The following MEOX2 variants were observed in gnomAD, a reference collection of about 807,000 sequenced individuals.
MEOX2 encodes homeobox protein MOX-2.
In MEOX2, 11 loss-of-function variants were observed where a neutral mutation model predicts 27.0. The observed-to-expected ratio is 0.41, with a 90% CI of 0.26 to 0.68. MEOX2 has a LOEUF of 0.68. MEOX2 is among the 30% of genes least tolerant of loss of function. The pLI, the probability that MEOX2 is intolerant of heterozygous loss-of-function variation, is 0.33. For synonymous variants in MEOX2, 189 were observed against 155.4 expected (o/e 1.22, Z -1.61); for missense variants, 436 against 385.4 (o/e 1.13, Z -1.10).
intron 1 of MEOX2, among the ~76,000 whole-genome samples, chr7:15,663,153 C>G (rs917843298): frequency 1.3e-5 from 2 of 152,138 alleles, no homozygotes; most frequent in African/African-American, 4.8e-5. Flanking sequence ...AGACATGACA[C>G]TCTTTCACAG....
intron 2 of MEOX2, among the ~76,000 whole-genome samples, chr7:15,621,738 GT>G: frequency 6.6e-6 from 1 of 152,298 alleles, no homozygotes; most frequent in Middle Eastern, 3.4e-3. Context: ...TGTCAATCAT[GT>G]ACAATTTCCA....
At chr7:15,655,327 G>A (rs1255236653) in intron 1 of MEOX2, among the ~76,000 whole-genome samples, 1 of 151,352 alleles carries the variant, frequency 6.6e-6, no homozygotes, top group Non-Finnish European at 1.5e-5. Context: ...TTCAAAGAAC[G>A]AGCTTTTTAT....
intron 1 of MEOX2, among the ~76,000 whole-genome samples, chr7:15,682,173 C>T (rs1028341685): frequency 6.6e-6 from 1 of 151,688 alleles, no homozygotes; most frequent in Admixed American, 6.6e-5. Context: ...CAATACTTCA[C>T]TTTAATCTTC....
intron 1 of MEOX2, among the ~76,000 whole-genome samples, chr7:15,661,756 G>C (rs1391674231): frequency 6.6e-6 from 1 of 152,150 alleles, no homozygotes; most frequent in Non-Finnish European, 1.5e-5. Flanking sequence ...CATTCTCTGA[G>C]AGAAGCGAAC....
chr7:15,623,095 A>G (rs1768663835), intron 2 of MEOX2, among the ~76,000 whole-genome samples: 1 of 152,182 alleles, frequency 6.6e-6, no homozygotes, highest in African/African-American at 2.4e-5. Flanking sequence ...AGCAGCCCCA[A>G]TAGACTACAA....
At chr7:15,685,189 C>T (rs1201656631) in intron 1 of MEOX2, among the ~76,000 whole-genome samples, 1 of 152,170 alleles carries the variant, frequency 6.6e-6, no homozygotes, top group Non-Finnish European at 1.5e-5. Flanking sequence ...TGGACATGTA[C>T]TATTAAGGTT....
chr7:15,639,567 T>C (rs1224525597), intron 1 of MEOX2, among the ~76,000 whole-genome samples: 2 of 151,870 alleles, frequency 1.3e-5, no homozygotes, highest in African/African-American at 2.4e-5. Flanking sequence ...AAGTTCTTCC[T>C]AGATTTTCCT....
intron 1 of MEOX2, among the ~76,000 whole-genome samples, chr7:15,675,244 T>C (rs1235888456): frequency 6.6e-6 from 1 of 152,170 alleles, no homozygotes; most frequent in Non-Finnish European, 1.5e-5. Context: ...ACTTTGGTAA[T>C]TGACCACAAG....
intron 1 of MEOX2, among the ~76,000 whole-genome samples, chr7:15,670,776 G>A (rs907418193): frequency 6.6e-6 from 1 of 152,080 alleles, no homozygotes; most frequent in African/African-American, 2.4e-5. Flanking sequence ...TATTTGTTGA[G>A]CAACCCTGTC....
At chr7:15,663,335 C>T in intron 1 of MEOX2, among the ~76,000 whole-genome samples, 1 of 143,066 alleles carries the variant, frequency 7.0e-6, no homozygotes, top group East Asian at 2.0e-4. Context: ...CTGTAGTAAT[C>T]TTTTTTTTTT....
intron 1 of MEOX2, among the ~76,000 whole-genome samples, chr7:15,650,393 C>T (rs1247657283): frequency 6.6e-6 from 1 of 152,072 alleles, no homozygotes; most frequent in Non-Finnish European, 1.5e-5. Flanking sequence ...GCAATAATAT[C>T]TTAGTGCAAT....
intron 1 of MEOX2, among the ~76,000 whole-genome samples, chr7:15,646,132 G>T (rs1262398599): frequency 6.6e-6 from 1 of 151,960 alleles, no homozygotes; most frequent in East Asian, 1.9e-4. Context: ...AAAAACCTCT[G>T]TTCTAGTCCC....
At chr7:15,654,538 A>T (rs1781789841) in intron 1 of MEOX2, among the ~76,000 whole-genome samples, 1 of 151,786 alleles carries the variant, frequency 6.6e-6, no homozygotes, top group Non-Finnish European at 1.5e-5. Flanking sequence ...GTAGGCTGCC[A>T]GTAAATTTAT....
At chr7:15,659,964 G>C (rs551323008) in intron 1 of MEOX2, among the ~76,000 whole-genome samples, 1 of 152,224 alleles carries the variant, frequency 6.6e-6, no homozygotes, top group Non-Finnish European at 1.5e-5. Flanking sequence ...AGGTTTAGGA[G>C]ACAGAAGTTA....
chr7:15,638,730 G>A (rs1781519929), intron 1 of MEOX2, among the ~76,000 whole-genome samples: 1 of 152,032 alleles, frequency 6.6e-6, no homozygotes. Flanking sequence ...GTGAGAACAT[G>A]TGTATTTCAT....
At chr7:15,675,993 T>C (rs1782186327) in intron 1 of MEOX2, 1 of 152,210 alleles carries the variant, frequency 6.6e-6, no homozygotes, top group Non-Finnish European at 1.5e-5. Context: ...TTTAATATAA[T>C]GCTTGATTCT....
intron 1 of MEOX2, among the ~76,000 whole-genome samples, chr7:15,673,931 A>G (rs147692579): frequency 6.6e-6 from 1 of 152,102 alleles, no homozygotes; most frequent in Non-Finnish European, 1.5e-5. Context: ...ACTAAGTGAA[A>G]AGTTCACTTT....
chr7:15,627,384 T>C (rs529660830), intron 1 of MEOX2, among the ~76,000 whole-genome samples: 5 of 152,240 alleles, frequency 3.3e-5, no homozygotes, highest in Non-Finnish European at 7.4e-5. Context: ...AATTTTATGC[T>C]CAGACTGAGC....
At chr7:15,651,355 C>A (rs1781730193) in intron 1 of MEOX2, among the ~76,000 whole-genome samples, 1 of 151,930 alleles carries the variant, frequency 6.6e-6, no homozygotes, top group African/African-American at 2.4e-5. Context: ...TCAGTTAACT[C>A]TGGCATGTTC....
Sources: gnomAD v4.1 joint callset for allele counts (sites outside exome capture counted in the v4.1 genomes callset) on GRCh38, gnomAD v4.1.1 for gene constraint, MANE v1.5 for transcripts, NCBI Gene and HGNC (gene_info 2026-07-23, HGNC 2026-07-21) for gene names.